ANKS1B: variants seen among roughly 807,000 people sequenced by gnomAD.
ANKS1B encodes the protein ankyrin repeat and sterile alpha motif domain containing 1B.
ANKS1B carries 36 observed loss-of-function variants against 148.3 expected under a neutral mutation model. The observed-to-expected ratio is 0.24, with a 90% CI of 0.19 to 0.32. The LOEUF (loss-of-function observed/expected upper bound fraction) is 0.32, where lower values mean the gene tolerates loss of function less well. Ranked by LOEUF, ANKS1B falls within the 10% of genes least tolerant of loss-of-function variation. ANKS1B has a pLI of 1.00. For missense variants in ANKS1B, 1,157 were observed against 1,542.6 expected (o/e 0.75, Z 4.19); for synonymous variants, 542 against 560.8 (o/e 0.97, Z 0.47).
At chr12:99,575,014 C>T (rs9651951) in intron 9 of ANKS1B, among the ~76,000 whole-genome samples, 1,920 of 152,070 alleles carry the variant, frequency 0.013, 45 homozygotes, top group African/African-American at 0.044. Context: ...CACCTACATA[C>T]GAAATACTAC....
At chr12:99,874,557 T>C (rs1297134022) in intron 1 of ANKS1B, among the ~76,000 whole-genome samples, 1 of 152,216 alleles carries the variant, frequency 6.6e-6, no homozygotes, top group Non-Finnish European at 1.5e-5. Flanking sequence ...AATATTAGTC[T>C]TTATCAAACT....
chr12:99,450,022 T>TAA, intron 10 of ANKS1B, among the ~76,000 whole-genome samples: 1 of 152,122 alleles, frequency 6.6e-6, no homozygotes, highest in South Asian at 2.1e-4. Flanking sequence ...CTGCAGTTGG[T>TAA]AAGCTGGAGG....
chr12:99,936,391 A>G (rs2094771109), intron 1 of ANKS1B, among the ~76,000 whole-genome samples: 1 of 152,212 alleles, frequency 6.6e-6, no homozygotes, highest in Non-Finnish European at 1.5e-5. Context: ...TCACACCTGT[A>G]ATCCCAGCAC....
At chr12:99,696,439 C>T (rs963133720) in intron 8 of ANKS1B, among the ~76,000 whole-genome samples, 9 of 152,024 alleles carry the variant, frequency 5.9e-5, no homozygotes, top group South Asian at 2.1e-4. Context: ...CATACCAATA[C>T]GCTCAAGAGA....
chr12:98,745,221 G>A lies in ANKS1B; in HGVS notation c.*518C>T. Reference sequence around the variant, plus strand: ...GAATCTCCTGGCAATCATATCACGGGAGTTGTTTTTGTCCTTTTGCATTAA... The same window carrying A: ...GAATCTCCTGGCAATCATATCACGGAAGTTGTTTTTGTCCTTTTGCATTAA... On this transcript the variant is annotated 3_prime_UTR_variant, in exon 27 of 27. Coordinates refer to ENST00000683438, the MANE Select transcript of ANKS1B (RefSeq NM_001352186.2). 1 of 985,702 alleles carries A rather than the reference G, an allele frequency of 1.0e-6. No homozygotes were observed. The highest frequency in any genetic ancestry group is 1.2e-6 in the Non-Finnish European group (1 of 829,916). The allele number at this position is 985,702 out of a possible 1,614,324, so 61.1% of individuals were successfully genotyped here.
chr12:99,666,890 GTGTGT>G (rs1567601424), intron 8 of ANKS1B, among the ~76,000 whole-genome samples: 91 of 146,050 alleles, frequency 6.2e-4, no homozygotes, highest in African/African-American at 2.1e-3. Context: ...GTGTGTGTGT[GTGTGT>G]GGTGAGGACA....
At chr12:99,615,344 TTC>T (rs1192289111) in intron 9 of ANKS1B, among the ~76,000 whole-genome samples, 1 of 152,176 alleles carries the variant, frequency 6.6e-6, no homozygotes, top group African/African-American at 2.4e-5. Flanking sequence ...ACATGGCACA[TTC>T]AATAGTTAAA....
In ANKS1B at chr12:99,435,334, A is replaced by C. The variant is rs535392631; in HGVS notation, c.1575+8339T>G. Among the ~76,000 whole-genome samples the C allele has an allele frequency of 2.7e-4, 41 of 152,180 alleles. No homozygotes were observed. The South Asian group carries it at 5.4e-3, about 20-fold the overall frequency. On this transcript the variant is annotated intron_variant, in intron 11 of 26. Coordinates refer to ENST00000683438, the MANE Select transcript of ANKS1B (RefSeq NM_001352186.2). ...GGCATCTAAAGAATGAGATGCTTGA[A>C]GGTGAGTATCACCCCATATGTAGCC... is the stretch of plus-strand genomic sequence containing the variant.
intron 23 of ANKS1B, 146 bp from the exon 24 acceptor site, chr12:98,781,349 A>G: frequency 1.5e-6 from 1 of 685,830 alleles, no homozygotes; most frequent in Non-Finnish European, 2.7e-6. Flanking sequence ...CACATCAGAT[A>G]CACACCACGC....
chr12:98,987,058 A>AT (rs1468750768), intron 17 of ANKS1B, among the ~76,000 whole-genome samples: 1 of 151,952 alleles, frequency 6.6e-6, no homozygotes, highest in Non-Finnish European at 1.5e-5. Flanking sequence ...GCTGTATCAT[A>AT]TTTTTTATTG....
intron 1 of ANKS1B, among the ~76,000 whole-genome samples, chr12:99,852,183 C>T (rs1565861944): frequency 6.6e-6 from 1 of 152,178 alleles, no homozygotes; most frequent in African/African-American, 2.4e-5. Flanking sequence ...GTTTCCTTCA[C>T]CTTACGGGTT....
intron 17 of ANKS1B, among the ~76,000 whole-genome samples, chr12:99,034,277 T>C (rs2099954137): frequency 6.6e-6 from 1 of 152,116 alleles, no homozygotes; most frequent in African/African-American, 2.4e-5. Context: ...GAGGCTATAG[T>C]TGTAATAAGC....
chr12:99,454,554 T>G (rs1271405588), intron 10 of ANKS1B, among the ~76,000 whole-genome samples: 1 of 152,260 alleles, frequency 6.6e-6, no homozygotes. Context: ...AACAGATGGT[T>G]GGGAGAGTGT....
At chr12:99,448,426 G>A (rs1219147021) in intron 10 of ANKS1B, among the ~76,000 whole-genome samples, 2 of 152,032 alleles carry the variant, frequency 1.3e-5, no homozygotes, top group Non-Finnish European at 2.9e-5. Flanking sequence ...ATAGAATGGT[G>A]GTTACCAGGG....
At chr12:98,779,393 T>C (rs1472746492) in intron 24 of ANKS1B, among the ~76,000 whole-genome samples, 1 of 152,152 alleles carries the variant, frequency 6.6e-6, no homozygotes, top group African/African-American at 2.4e-5. Flanking sequence ...TACAGCTGCA[T>C]CCAGCCATAC....
intron 15 of ANKS1B, among the ~76,000 whole-genome samples, chr12:99,095,032 G>A (rs1346838222): frequency 1.3e-5 from 2 of 151,938 alleles, no homozygotes; most frequent in African/African-American, 4.8e-5. Flanking sequence ...TCACTGGGGG[G>A]GGGGTCAAGT....
chr12:99,553,724 T>C (rs1194543294), intron 9 of ANKS1B, among the ~76,000 whole-genome samples: 2 of 152,216 alleles, frequency 1.3e-5, no homozygotes, highest in African/African-American at 4.8e-5. Flanking sequence ...CTAGCATTCA[T>C]TGACAATTCA....
At chr12:99,752,221 T>A (rs2061170332) in intron 8 of ANKS1B, among the ~76,000 whole-genome samples, 1 of 152,042 alleles carries the variant, frequency 6.6e-6, no homozygotes, top group East Asian at 1.9e-4. Context: ...TTTAACACAC[T>A]TTTATAAGAG....
At chr12:99,301,899 C>A (rs1049151701) in intron 12 of ANKS1B, among the ~76,000 whole-genome samples, 1 of 151,990 alleles carries the variant, frequency 6.6e-6, no homozygotes, top group Non-Finnish European at 1.5e-5. Context: ...AAAAGGTCAA[C>A]CAGGAGACTG....
Sources: gnomAD v4.1 joint callset for allele counts (sites outside exome capture counted in the v4.1 genomes callset) on GRCh38, gnomAD v4.1.1 for gene constraint, MANE v1.5 for transcripts, NCBI Gene and HGNC (gene_info 2026-07-23, HGNC 2026-07-21) for gene names.